Variants in LRP8 observed in about 807,000 individuals in gnomAD.
The protein encoded by LRP8 is LDL receptor related protein 8.
LRP8 carries 46 observed loss-of-function variants against 111.6 expected under a neutral mutation model. The observed-to-expected ratio is 0.41, with a 90% CI of 0.33 to 0.53. The LOEUF is 0.53. Among genes scored for constraint, LRP8 ranks in the 20% least tolerant of loss-of-function variants. The pLI is 0.20. For synonymous variants in LRP8, 464 were observed against 511.2 expected (o/e 0.91, Z 1.24); for missense variants, 959 against 1,297.4 (o/e 0.74, Z 4.01).
intron 2 of LRP8, among the ~76,000 whole-genome samples, chr1:53,310,398 T>G (rs985215946): frequency 2.0e-5 from 3 of 152,162 alleles, no homozygotes; most frequent in African/African-American, 7.2e-5. Flanking sequence ...CTAAGCCGTG[T>G]GACCTGGAGG....
In LRP8 at chr1:53,303,132, C is replaced by T. The variant is rs1415182059; in HGVS notation, c.245-13443G>A. On this transcript the variant is annotated intron_variant, in intron 2 of 18. Coordinates refer to ENST00000306052, the MANE Select transcript of LRP8 (RefSeq NM_004631.5). This position sits in a 1 kb window ranked among gnomAD's most constrained non-coding sequence, Gnocchi z 4.3. ...GCAGGTAGAGCTCTTGTCAATCATG[C>T]GGCTTATTTCTTACCACCACCACTC... is the stretch of plus-strand genomic sequence containing the variant. 6.6e-6 allele frequency among the ~76,000 whole-genome samples: 1 copy of T among 152,178 alleles called. No individual in the cohort carries two copies. The highest frequency in any genetic ancestry group is 2.4e-5 in the African/African-American group (1 of 41,438).
chr1:53,306,496 C>G (rs185436346), intron 2 of LRP8, among the ~76,000 whole-genome samples: 2 of 152,326 alleles, frequency 1.3e-5, no homozygotes, highest in Admixed American at 6.5e-5. Context: ...GGGTTTTGGT[C>G]CCAGCTCTAC....
chr1:53,307,925 C>T (rs1652285543), intron 2 of LRP8, among the ~76,000 whole-genome samples: 2 of 152,310 alleles, frequency 1.3e-5, no homozygotes, highest in Admixed American at 6.5e-5. Flanking sequence ...GAGTAGATAC[C>T]TAGCCTAGCA....
intron 3 of LRP8, among the ~76,000 whole-genome samples, chr1:53,282,935 CAG>C (rs1404417325): frequency 1.3e-5 from 2 of 152,104 alleles, no homozygotes; most frequent in East Asian, 3.9e-4. Context: ...CCTCAGGAAA[CAG>C]AACCTCTCAA....
At position 53,276,669 on chromosome 1, in the gene LRP8, T is replaced by G. The variant is rs764017114; in HGVS notation, c.883+23A>C. Reference sequence around the variant, plus strand: ...CGGATCCGCAATCCCTGGGCGGGGCTGGGCGGTATGGAGGGGGCTTACGGC... The same window carrying G: ...CGGATCCGCAATCCCTGGGCGGGGCGGGGCGGTATGGAGGGGGCTTACGGC... On this transcript the variant is annotated intron_variant, in intron 5 of 18. Transcript: ENST00000306052. 9.0e-5 allele frequency: 136 copies of G among 1,515,070 alleles called. No individual in the cohort carries two copies. The African/African-American group carries it at 1.1e-3, about 12-fold the overall frequency. The allele number at this position is 1,515,070 out of a possible 1,614,324, so 93.9% of individuals were successfully genotyped here. A position where few individuals can be genotyped will look rare whatever the true frequency, so the allele number is the denominator to read the frequency against.
intron 2 of LRP8, among the ~76,000 whole-genome samples, chr1:53,299,213 G>C (rs1381366821): frequency 6.6e-6 from 1 of 152,152 alleles, no homozygotes; most frequent in East Asian, 1.9e-4. Flanking sequence ...GTGTGGGGAG[G>C]GGTGGCGGGT....
chr1:53,327,203 C>A (rs934004574), intron 1 of LRP8: 1 of 622,038 alleles, frequency 1.6e-6, no homozygotes, highest in African/African-American at 1.8e-5. Context: ...CGAGACCAGG[C>A]ACCTACTTAA....
intron 2 of LRP8, among the ~76,000 whole-genome samples, chr1:53,319,981 A>T (rs1654290096): frequency 6.6e-6 from 1 of 152,274 alleles, no homozygotes; most frequent in Admixed American, 6.5e-5. Context: ...CCAGACAGGC[A>T]TGGCCCAGTC....
intron 8 of LRP8, chr1:53,267,661 C>T (rs985019912): frequency 2.6e-5 from 4 of 152,168 alleles, no homozygotes; most frequent in Admixed American, 6.5e-5. Context: ...GTAGAGACAA[C>T]ATAAACTGCT....
Position 53,327,903 on chromosome 1 carries a change from G to A in LRP8, c.10C>T (p.Pro4Ser). ...AGAAGCCGGAGAGGGCCCGGCTCGG[G>A]GAGGCCCATGGCGGGCCCGGGGCTC... MGLPEPGPLRLLAL... is the reference protein window; with the variant it reads MGLSEPGPLRLLAL... The change falls in exon 1 of 19, where the codon CCC becomes TCC. Residue 4 changes from proline (P) to serine (S), a missense_variant. By Grantham distance (74) the Pro-to-Ser change is moderately conservative. Coordinates refer to ENST00000306052, the MANE Select transcript of LRP8 (RefSeq NM_004631.5). The A allele has an allele frequency of 7.0e-7, 1 of 1,419,848 alleles. No individual in the cohort carries two copies. Among genetic ancestry groups the A allele is most frequent in the Non-Finnish European group, 9.2e-7 (1 of 1,084,786 alleles). 88.0% of individuals were successfully genotyped at this position (1,419,848 alleles called of 1,614,324 possible).
chr1:53,326,023 G>A (rs1172131573), intron 2 of LRP8, among the ~76,000 whole-genome samples: 1 of 152,200 alleles, frequency 6.6e-6, no homozygotes, highest in Non-Finnish European at 1.5e-5. Flanking sequence ...AGTCGCGCAC[G>A]CCCAGCAAAG....
chr1:53,277,149 C>T, intron 4 of LRP8, 71 bp from the exon 5 acceptor site: 1 of 1,366,144 alleles, frequency 7.3e-7, no homozygotes, highest in African/African-American at 1.5e-5. Flanking sequence ...GCTGGTCCGG[C>T]TACAGGGGCT....
At position 53,276,709 on chromosome 1, in the gene LRP8, G is replaced by A. The variant is rs1646931493; in HGVS notation, c.866C>T (p.Ser289Leu). 6.5e-7 allele frequency: 1 copy of A among 1,538,832 alleles called. No individual in the cohort carries two copies. The highest frequency in any genetic ancestry group is 8.7e-7 in the Non-Finnish European group (1 of 1,146,428). Residue 289 changes from serine (S) to leucine (L), a missense_variant, in exon 5 of 19, where the codon TCG (serine) becomes TTG (leucine). Coordinates refer to ENST00000306052, the MANE Select transcript of LRP8 (RefSeq NM_004631.5). ...GGGCTTACGGCAGTCGGCCTCGTCC[G>A]ATTTGTCTTTGCAGTCGCGGTCGCC... ...CDGDRDCKDK[S>L]DEADCPLGTC...
chr1:53,321,880 G>A (rs1456517714), intron 2 of LRP8, among the ~76,000 whole-genome samples: 3 of 152,080 alleles, frequency 2.0e-5, no homozygotes, highest in South Asian at 2.1e-4. Flanking sequence ...GAAGCCATCC[G>A]CTGCCCCTCC....
chr1:53,314,034 C>T (rs1230944688), intron 2 of LRP8, among the ~76,000 whole-genome samples: 1 of 152,090 alleles, frequency 6.6e-6, no homozygotes, highest in Non-Finnish European at 1.5e-5. Flanking sequence ...CTTCCTTCCC[C>T]TATTCAAGGT....
chr1:53,284,249 A>AC (rs1647243542), intron 3 of LRP8, among the ~76,000 whole-genome samples: 15 of 151,162 alleles, frequency 9.9e-5, no homozygotes, highest in Non-Finnish European at 1.8e-4. Context: ...CGGGCCACTT[A>AC]CTTACTACAT....
intron 3 of LRP8, 100 bp from the exon 4 acceptor site, chr1:53,280,815 C>T: frequency 6.8e-7 from 1 of 1,463,316 alleles, no homozygotes; most frequent in South Asian, 1.3e-5. Flanking sequence ...GTCCAAGGCC[C>T]TAGGAGTCCA....
At chr1:53,276,574 TAAAC>T in intron 5 of LRP8, 114 bp downstream of exon 5, 1 of 782,100 alleles carries the variant, frequency 1.3e-6, no homozygotes, top group Non-Finnish European at 1.8e-6. Context: ...TCCTCTGTAG[TAAAC>T]CCGGGTAATG....
intron 8 of LRP8, among the ~76,000 whole-genome samples, chr1:53,269,621 A>G (rs1297938713): frequency 6.6e-6 from 1 of 151,058 alleles, no homozygotes; most frequent in Non-Finnish European, 1.5e-5. Context: ...ACCCCCCTTC[A>G]CCTTCTTTAC....
Sources: gnomAD v4.1 joint callset for allele counts (sites outside exome capture counted in the v4.1 genomes callset) on GRCh38, gnomAD v4.1.1 for gene constraint, Gnocchi (gnomAD v3.1) non-coding constraint, MANE v1.5 for transcripts, NCBI Gene and HGNC (gene_info 2026-07-23, HGNC 2026-07-21) for gene names.